The following SCAPER variants were observed in gnomAD, a reference collection of about 807,000 sequenced individuals.
SCAPER encodes the protein S-phase cyclin A associated protein in the ER.
SCAPER carries 98 observed loss-of-function variants against 182.2 expected under a neutral mutation model. That is an observed-to-expected ratio of 0.54 (90% confidence interval 0.46 to 0.64). SCAPER has a LOEUF of 0.64. Ranked by LOEUF, SCAPER falls within the 30% of genes least tolerant of loss-of-function variation. The pLI is 0.00. For missense variants in SCAPER, 1,432 were observed against 1,690.0 expected, an observed-to-expected ratio of 0.85 and a Z score of 2.68; for synonymous variants, 605 against 564.6, an observed-to-expected ratio of 1.07 and a Z score of -1.01.
intron 21 of SCAPER, among the ~76,000 whole-genome samples, chr15:76,624,314 A>G (rs1176700609): frequency 6.6e-6 from 1 of 152,216 alleles, no homozygotes; most frequent in African/African-American, 2.4e-5. Context: ...ATACACAAAA[A>G]TAAGATACCT....
chr15:76,604,622 G>A (rs889663138), intron 22 of SCAPER, among the ~76,000 whole-genome samples: 5 of 150,702 alleles, frequency 3.3e-5, no homozygotes, highest in African/African-American at 7.3e-5. Flanking sequence ...TGGGCAGTAT[G>A]GCCATTTTCG....
chr15:76,809,178 G>C (rs542975149), intron 5 of SCAPER, among the ~76,000 whole-genome samples: 1 of 152,216 alleles, frequency 6.6e-6, no homozygotes, highest in African/African-American at 2.4e-5. Context: ...GACTAGGAAA[G>C]GCAGTTGCCT....
At chr15:76,362,415 CTT>C (rs539666470) in intron 29 of SCAPER, among the ~76,000 whole-genome samples, 57 of 143,446 alleles carry the variant, frequency 4.0e-4, no homozygotes, top group African/African-American at 1.1e-3. Context: ...CTTGCTCCCT[CTT>C]TTTTTTTTTT....
chr15:76,855,515 A>G (rs553322738), intron 4 of SCAPER, among the ~76,000 whole-genome samples: 31 of 152,112 alleles, frequency 2.0e-4, no homozygotes, highest in African/African-American at 7.5e-4. Flanking sequence ...ATTTTTGCAA[A>G]CCATGCATCT....
chr15:76,682,263 T>G (rs1392893322), intron 20 of SCAPER, among the ~76,000 whole-genome samples: 6 of 112,602 alleles, frequency 5.3e-5, no homozygotes, highest in South Asian at 8.0e-4. Flanking sequence ...CTCACCTCCC[T>G]TCCCCCCCCC....
rs1597753132 is a variant in SCAPER at position 76,621,837 on chromosome 15, G to A, written c.2646-8C>T. 2 of 1,588,728 alleles carry A rather than the reference G, an allele frequency of 1.3e-6. No individual in the cohort carries two copies. The highest frequency in any genetic ancestry group is 1.8e-5 in the Admixed American group (1 of 55,522). On this transcript the variant is annotated splice_region_variant and splice_polypyrimidine_tract_variant and intron_variant, in intron 21 of 31. Transcript: ENST00000563290. Reference sequence around the variant, plus strand: ...CTCTCATATTCCTTAGCCCTGAAGAGAAAAAAAGTTTTAACACAGTTATTT... The same window carrying A: ...CTCTCATATTCCTTAGCCCTGAAGAAAAAAAAAGTTTTAACACAGTTATTT...
At chr15:76,469,162 A>G (rs1453300047) in intron 25 of SCAPER, among the ~76,000 whole-genome samples, 1 of 152,204 alleles carries the variant, frequency 6.6e-6, no homozygotes, top group Non-Finnish European at 1.5e-5. Context: ...ATTCCCTCAC[A>G]TTTCAAATGC....
At chr15:76,351,358 A>G in intron 30 of SCAPER, 70 bp from the exon 31 acceptor site, 1 of 1,391,504 alleles carries the variant, frequency 7.2e-7, no homozygotes, top group South Asian at 1.3e-5. Flanking sequence ...GGTGGCTTTA[A>G]ATATACTTCT....
intron 25 of SCAPER, among the ~76,000 whole-genome samples, chr15:76,457,541 T>C (rs1162446459): frequency 6.6e-6 from 1 of 152,234 alleles, no homozygotes; most frequent in Admixed American, 6.5e-5. Context: ...CATTGGCTTC[T>C]AAGTTATTTT....
chr15:76,770,118 A>G (rs1483382004), intron 10 of SCAPER, among the ~76,000 whole-genome samples: 1 of 143,628 alleles, frequency 7.0e-6, no homozygotes, highest in Non-Finnish European at 1.5e-5. Flanking sequence ...AAAACCAAAC[A>G]CCACATGTTC....
At chr15:76,453,761 C>T (rs1252296590) in intron 25 of SCAPER, among the ~76,000 whole-genome samples, 1 of 152,160 alleles carries the variant, frequency 6.6e-6, no homozygotes, top group African/African-American at 2.4e-5. Context: ...TGTTTCTCAA[C>T]AAACATTCAT....
intron 5 of SCAPER, among the ~76,000 whole-genome samples, chr15:76,825,454 A>C (rs1266594451): frequency 6.6e-6 from 1 of 152,246 alleles, no homozygotes; most frequent in Admixed American, 6.5e-5. Context: ...ATTCAAGTCC[A>C]TAAGTGCTAT....
chr15:76,745,625 T>C (rs1456545077), intron 15 of SCAPER, among the ~76,000 whole-genome samples: 5 of 152,178 alleles, frequency 3.3e-5, no homozygotes, highest in Non-Finnish European at 4.4e-5. Context: ...GCTGATCTCC[T>C]CATGTAAAGA....
chr15:76,842,539 C>T (rs181050067), intron 4 of SCAPER, among the ~76,000 whole-genome samples: 12 of 152,276 alleles, frequency 7.9e-5, no homozygotes, highest in Non-Finnish European at 2.9e-5. Context: ...GCCTCCGCAA[C>T]CATGCTGAAC....
chr15:76,804,527 CA>C lies in SCAPER; in HGVS notation c.494+5del. The C allele has an allele frequency of 1.3e-6, 2 of 1,590,328 alleles. No homozygotes were observed. Among genetic ancestry groups the C allele is most frequent in the South Asian group, 1.1e-5 (1 of 88,516 alleles). Reference sequence around the variant, plus strand: ...ATAGGAAGATTGAGACCAGAGAGCTCATTACCTGCTTTGAGCATCTGTCTTC... The same window carrying C: ...ATAGGAAGATTGAGACCAGAGAGCTCTTACCTGCTTTGAGCATCTGTCTTC... On this transcript the variant is annotated splice_donor_5th_base_variant and intron_variant, in intron 6 of 31. Coordinates refer to ENST00000563290, the MANE Select transcript of SCAPER (RefSeq NM_020843.4).
chr15:76,645,415 T>C (rs1245882575), intron 21 of SCAPER, among the ~76,000 whole-genome samples: 2 of 152,184 alleles, frequency 1.3e-5, no homozygotes, highest in Non-Finnish European at 2.9e-5. Context: ...TTTACTCTTA[T>C]GAATACCAAT....
chr15:76,354,919 A>G lies in SCAPER; in HGVS notation c.3856-779T>C, dbSNP rs2040850600. 6.6e-6 allele frequency among the ~76,000 whole-genome samples: 1 copy of G among 152,230 alleles called. No homozygotes were observed. The highest frequency in any genetic ancestry group is 2.4e-5 in the African/African-American group (1 of 41,472). The stretch of plus-strand genomic sequence containing the variant: ...GTCAAAATTAGATCTGTTTCAAGTA[A>G]CCTTGATTAGACAGTTCTAATATGA... On this transcript the variant is annotated intron_variant, in intron 29 of 31. Coordinates refer to ENST00000563290, the MANE Select transcript of SCAPER (RefSeq NM_020843.4). This position sits in a 1 kb window ranked among gnomAD's most constrained non-coding sequence, Gnocchi z 4.4.
At chr15:76,653,676 AC>A (rs1021946615) in intron 21 of SCAPER, among the ~76,000 whole-genome samples, 42 of 152,324 alleles carry the variant, frequency 2.8e-4, no homozygotes, top group African/African-American at 9.6e-4. Flanking sequence ...TTGAAGCTGG[AC>A]CCCTACTTTT....
At position 76,640,986 on chromosome 15, in the gene SCAPER, A is replaced by G. The variant is rs972723359; in HGVS notation, c.2646-19157T>C. Reference sequence around the variant, plus strand: ...AATGTGACCCTTGTGGAGAGCCTATAAACGGAAGCATGAGGGGCGCCTGTC... The same window carrying G: ...AATGTGACCCTTGTGGAGAGCCTATGAACGGAAGCATGAGGGGCGCCTGTC... On this transcript the variant is annotated intron_variant, in intron 21 of 31. Coordinates refer to ENST00000563290, the MANE Select transcript of SCAPER (RefSeq NM_020843.4). Among the ~76,000 whole-genome samples, 4 of 152,172 alleles carry G rather than the reference A, an allele frequency of 2.6e-5. No homozygotes were observed. In the East Asian group the frequency reaches 5.8e-4, roughly 22 times the overall value.
Sources: allele counts gnomAD v4.1 joint callset (sites outside exome capture counted in the v4.1 genomes callset), GRCh38; gene constraint gnomAD v4.1.1; non-coding constraint Gnocchi (gnomAD v3.1); transcripts MANE v1.5; gene names NCBI Gene and HGNC (gene_info 2026-07-23, HGNC 2026-07-21).